Variants in RNF13 observed in about 807,000 individuals in gnomAD.
The protein encoded by RNF13 is ring finger protein 13.
Under a neutral mutation model 37.7 loss-of-function variants are expected in RNF13, and 19 were observed. The observed-to-expected ratio is 0.50, with a 90% CI of 0.35 to 0.74. The LOEUF is 0.74. Among genes scored for constraint, RNF13 ranks in the 30% least tolerant of loss-of-function variants. The probability of loss-of-function intolerance (pLI) is 0.01; values close to 1 mark genes in which losing one functional copy is unlikely to be tolerated. For synonymous variants in RNF13, 144 were observed against 157.8 expected (o/e 0.91, Z 0.65); for missense variants, 375 against 453.0 (o/e 0.83, Z 1.56).
intron 3 of RNF13, among the ~76,000 whole-genome samples, chr3:149,864,428 A>G (rs1398915235): frequency 1.3e-5 from 2 of 152,118 alleles, no homozygotes; most frequent in South Asian, 2.1e-4. Flanking sequence ...ACTATGAGCC[A>G]AATAAACCTC....
chr3:149,944,626 A>G (rs1720593600), intron 8 of RNF13, among the ~76,000 whole-genome samples: 1 of 152,110 alleles, frequency 6.6e-6, no homozygotes, highest in African/African-American at 2.4e-5. Context: ...GTGTCTGTTC[A>G]TATCCTTCGC....
chr3:149,877,064 GCCA>G (rs1407545678), intron 4 of RNF13, among the ~76,000 whole-genome samples: 1 of 152,072 alleles, frequency 6.6e-6, no homozygotes, highest in Admixed American at 6.5e-5. Context: ...ACAGGCGTGA[GCCA>G]CCACACCCGG....
chr3:149,912,065 C>T lies in RNF13; in HGVS notation c.588C>T (p.Ile196=). 1 of 1,544,930 alleles carries T rather than the reference C, an allele frequency of 6.5e-7. No homozygotes were observed. The highest frequency in any genetic ancestry group is 1.1e-5 in the South Asian group (1 of 88,324). ...TTATCATAGTGGGCATCTGTCTCAT[C>T]TTGATAGTCATTTTCATGGTAGGTA... ...PFLIIVGICL[I]LIVIFMITKF... is the part of the protein sequence containing the mutation. The change falls in exon 7 of 10, where the codon ATC becomes ATT. Residue 196 remains isoleucine, a synonymous_variant. Coordinates refer to ENST00000392894, the MANE Select transcript of RNF13 (RefSeq NM_183381.3).
chr3:149,852,571 A>G lies in RNF13; in HGVS notation c.170A>G (p.Tyr57Cys), dbSNP rs764606605. 3 of 1,563,124 alleles carry G rather than the reference A, an allele frequency of 1.9e-6. No individual in the cohort carries two copies. Among genetic ancestry groups the G allele is most frequent in the South Asian group, 2.4e-5 (2 of 83,226 alleles). ...GATGACCTCCCTGCAAGATTTGGTTATAGACTTCCAGCTGAAGGTTTAAAG... is the reference window on the plus strand; with the variant it reads ...GATGACCTCCCTGCAAGATTTGGTTGTAGACTTCCAGCTGAAGGTTTAAAG... The part of the protein sequence containing the change: ...TFDDLPARFG[Y>C]RLPAEGLKGF... Residue 57 changes from tyrosine (Y) to cysteine (C), a missense_variant, in exon 3 of 10, where the codon TAT becomes TGT. Tyr to Cys is a radical substitution (Grantham distance 194, BLOSUM62 -2). Transcript: ENST00000392894.
chr3:149,890,717 T>C (rs1345687619), intron 4 of RNF13, among the ~76,000 whole-genome samples: 1 of 152,164 alleles, frequency 6.6e-6, no homozygotes, highest in East Asian at 1.9e-4. Context: ...GTTTTTTGTT[T>C]TGTTTTGTTT....
chr3:149,903,906 C>T (rs985314930), intron 6 of RNF13, among the ~76,000 whole-genome samples: 1 of 151,900 alleles, frequency 6.6e-6, no homozygotes, highest in Non-Finnish European at 1.5e-5. Context: ...ACATAAAGAT[C>T]TACTCTATCT....
intron 8 of RNF13, among the ~76,000 whole-genome samples, chr3:149,941,099 A>G (rs1576574464): frequency 6.6e-6 from 1 of 152,194 alleles, no homozygotes; most frequent in Non-Finnish European, 1.5e-5. Flanking sequence ...TTCGTTGTCA[A>G]TAGACATTTG....
chr3:149,916,600 T>C (rs2108527185), intron 7 of RNF13, among the ~76,000 whole-genome samples: 1 of 152,286 alleles, frequency 6.6e-6, no homozygotes, highest in African/African-American at 2.4e-5. Context: ...TCATTTTCTT[T>C]CTTCTACCTT....
At chr3:149,960,330 G>A (rs1305078803) in intron 9 of RNF13, among the ~76,000 whole-genome samples, 194 bp downstream of exon 9, 1 of 151,918 alleles carries the variant, frequency 6.6e-6, no homozygotes, top group Non-Finnish European at 1.5e-5. Context: ...GGTGGCTCAC[G>A]CCTGTAATCC....
intron 4 of RNF13, among the ~76,000 whole-genome samples, chr3:149,884,331 ATT>A (rs1713768855): frequency 6.6e-6 from 1 of 151,942 alleles, no homozygotes; most frequent in African/African-American, 2.4e-5. Context: ...TAGCACTACT[ATT>A]TTAGCTGTAC....
intron 7 of RNF13, among the ~76,000 whole-genome samples, chr3:149,913,246 A>G (rs1717169757): frequency 6.6e-6 from 1 of 152,134 alleles, no homozygotes; most frequent in Non-Finnish European, 1.5e-5. Context: ...TATTACACAT[A>G]TAGTAAGTTT....
intron 1 of RNF13, among the ~76,000 whole-genome samples, chr3:149,824,204 T>C (rs1421578573): frequency 2.0e-4 from 30 of 152,154 alleles, no homozygotes; most frequent in Admixed American, 2.0e-3. Flanking sequence ...ATGAATAAAT[T>C]AGAATGTTGC....
intron 4 of RNF13, among the ~76,000 whole-genome samples, chr3:149,883,512 A>G (rs1300096908): frequency 6.6e-6 from 1 of 151,942 alleles, no homozygotes; most frequent in Non-Finnish European, 1.5e-5. Context: ...TTATAATTTT[A>G]TGTCTTTATA....
chr3:149,813,016 C>T (rs958856197), upstream of RNF13: 2 of 152,472 alleles, frequency 1.3e-5, no homozygotes, highest in African/African-American at 2.4e-5. Context: ...CCACCCTGCT[C>T]TTCCCTTCCA....
chr3:149,944,046 G>A (rs1720534969), intron 8 of RNF13, among the ~76,000 whole-genome samples: 1 of 151,820 alleles, frequency 6.6e-6, no homozygotes, highest in Non-Finnish European at 1.5e-5. Flanking sequence ...CCACCTATGA[G>A]TGAGAAGATG....
At chr3:149,861,023 A>T (rs1724198048) in intron 3 of RNF13, among the ~76,000 whole-genome samples, 2 of 152,204 alleles carry the variant, frequency 1.3e-5, no homozygotes, top group African/African-American at 4.8e-5. Flanking sequence ...TAACATCACT[A>T]ATCATCAGGG....
chr3:149,865,774 G>C (rs1447913203), intron 3 of RNF13, among the ~76,000 whole-genome samples: 1 of 152,108 alleles, frequency 6.6e-6, no homozygotes, highest in Non-Finnish European at 1.5e-5. Flanking sequence ...TTGTTAGGTG[G>C]TTTATTTGAA....
chr3:149,840,964 A>G (rs924422923), intron 1 of RNF13, among the ~76,000 whole-genome samples: 12 of 152,376 alleles, frequency 7.9e-5, no homozygotes, highest in East Asian at 7.7e-4. Context: ...CACATATGAA[A>G]GGAACCACTT....
At chr3:149,840,510 T>G (rs193191906) in intron 1 of RNF13, among the ~76,000 whole-genome samples, 75 of 152,338 alleles carry the variant, frequency 4.9e-4, no homozygotes, top group African/African-American at 1.8e-3. Flanking sequence ...TTTTCTATGT[T>G]TTCTCTGTTT....
Sources: allele counts gnomAD v4.1 joint callset (sites outside exome capture counted in the v4.1 genomes callset), GRCh38; gene constraint gnomAD v4.1.1; transcripts MANE v1.5; gene names NCBI Gene and HGNC (gene_info 2026-07-23, HGNC 2026-07-21).